HAPLN1: variants seen among roughly 807,000 people sequenced by gnomAD.
HAPLN1 encodes the protein Cartilage link protein.
In HAPLN1, 13 loss-of-function variants were observed where a neutral mutation model predicts 36.5. That is an observed-to-expected ratio of 0.36 (90% CI 0.23 to 0.57). HAPLN1 has a LOEUF of 0.57. Ranked by LOEUF, HAPLN1 falls within the 20% of genes least tolerant of loss-of-function variation. HAPLN1 has a pLI of 0.83. For missense variants in HAPLN1, 407 were observed against 439.7 expected (o/e 0.93, Z 0.66); for synonymous variants, 202 against 169.8 (o/e 1.19, Z -1.48).
At chr5:83,659,358 A>T (rs1750316647) in intron 2 of HAPLN1, among the ~76,000 whole-genome samples, 1 of 152,120 alleles carries the variant, frequency 6.6e-6, no homozygotes, top group East Asian at 1.9e-4. Context: ...GATACAAAGG[A>T]GTATGTGTGC....
intron 1 of HAPLN1, among the ~76,000 whole-genome samples, chr5:83,701,358 A>G (rs982225055): frequency 6.6e-6 from 1 of 152,260 alleles, no homozygotes; most frequent in African/African-American, 2.4e-5. Flanking sequence ...AGAATTTCCT[A>G]ATAAGTCATC....
intron 4 of HAPLN1, among the ~76,000 whole-genome samples, chr5:83,642,607 T>A (rs1749733540): frequency 6.6e-6 from 1 of 152,170 alleles, no homozygotes; most frequent in Non-Finnish European, 1.5e-5. Flanking sequence ...GGACTGAAGA[T>A]TTTCTTATAC....
chr5:83,715,084 G>A (rs1429874580), intron 1 of HAPLN1, among the ~76,000 whole-genome samples: 1 of 152,170 alleles, frequency 6.6e-6, no homozygotes, highest in Non-Finnish European at 1.5e-5. Context: ...CACAGGGAGT[G>A]GAGATAACTG....
At chr5:83,666,428 T>G (rs141633981) in intron 2 of HAPLN1, among the ~76,000 whole-genome samples, 34 of 152,282 alleles carry the variant, frequency 2.2e-4, no homozygotes, top group East Asian at 1.9e-3. Flanking sequence ...ACACATACTA[T>G]GCTGATTTCA....
chr5:83,704,194 G>A (rs1367267693), intron 1 of HAPLN1, among the ~76,000 whole-genome samples: 1 of 151,872 alleles, frequency 6.6e-6, no homozygotes, highest in Non-Finnish European at 1.5e-5. Context: ...ATCTTTTTCA[G>A]ATATGCAAAT....
intron 1 of HAPLN1, chr5:83,703,350 A>G (rs906008309): frequency 6.6e-6 from 1 of 152,030 alleles, no homozygotes; most frequent in South Asian, 2.1e-4. Context: ...TTTTAATTTT[A>G]GTCATTACAT....
chr5:83,701,920 C>T (rs1013045785), intron 1 of HAPLN1, among the ~76,000 whole-genome samples: 2 of 123,084 alleles, frequency 1.6e-5, no homozygotes, highest in Non-Finnish European at 1.8e-5. Context: ...AGCGAGACTT[C>T]GACAAAAACA....
chr5:83,693,995 C>T (rs1272543409), intron 1 of HAPLN1, among the ~76,000 whole-genome samples: 2 of 151,926 alleles, frequency 1.3e-5, no homozygotes, highest in African/African-American at 4.8e-5. Context: ...AGCAAGTACA[C>T]ATTCTTTTCA....
At position 83,641,333 on chromosome 5, in the gene HAPLN1, C is replaced by CA. The variant is rs1460765785; in HGVS notation, c.*162dup. On this transcript the variant is annotated 3_prime_UTR_variant, in exon 5 of 5. Transcript: ENST00000274341. The stretch of plus-strand genomic sequence containing the variant: ...TAATATATATTGAATGATAGCTTTA[C>CA]AAAAAACAAATCAATGAATTGATCT... The CA allele has an allele frequency of 2.0e-6, 1 of 506,796 alleles. No homozygotes were observed. Among genetic ancestry groups the CA allele is most frequent in the African/African-American group, 2.0e-5 (1 of 51,040 alleles). The allele number at this position is 506,796 out of a possible 1,614,324, so 31.4% of individuals were successfully genotyped here.
intron 1 of HAPLN1, among the ~76,000 whole-genome samples, chr5:83,702,535 T>C (rs1315094718): frequency 6.6e-6 from 1 of 152,102 alleles, no homozygotes; most frequent in African/African-American, 2.4e-5. Context: ...CCTCTAGGCT[T>C]GAAGGGTTTG....
chr5:83,712,609 A>G (rs1449219058), intron 1 of HAPLN1, among the ~76,000 whole-genome samples: 1 of 151,974 alleles, frequency 6.6e-6, no homozygotes, highest in African/African-American at 2.4e-5. Context: ...GACTTTTTTC[A>G]TTGGCCTGTA....
intron 1 of HAPLN1, among the ~76,000 whole-genome samples, chr5:83,679,045 G>C (rs760445097): frequency 2.6e-5 from 4 of 152,108 alleles, no homozygotes; most frequent in Non-Finnish European, 4.4e-5. Context: ...GTTTTTTATG[G>C]GAGCAATATA....
intron 1 of HAPLN1, among the ~76,000 whole-genome samples, chr5:83,700,421 A>G (rs1488036324): frequency 2.0e-5 from 3 of 152,132 alleles, no homozygotes; most frequent in African/African-American, 7.2e-5. Context: ...AATTTAGAAT[A>G]TTATTATGCA....
At chr5:83,708,881 C>CT (rs1295438662) in intron 1 of HAPLN1, among the ~76,000 whole-genome samples, 4 of 151,904 alleles carry the variant, frequency 2.6e-5, no homozygotes, top group African/African-American at 4.8e-5. Flanking sequence ...CTTTTCTTTT[C>CT]TTTTTTTCTG....
intron 2 of HAPLN1, 21 bp downstream of exon 2, chr5:83,673,403 A>C: frequency 3.4e-6 from 5 of 1,489,458 alleles, no homozygotes; most frequent in South Asian, 1.2e-5. Flanking sequence ...GGCTTTGATA[A>C]GAGAAGCTGT....
chr5:83,654,362 A>G (rs1027253444), intron 2 of HAPLN1, among the ~76,000 whole-genome samples: 1 of 152,220 alleles, frequency 6.6e-6, no homozygotes, highest in Non-Finnish European at 1.5e-5. Flanking sequence ...TTTCCTTTAT[A>G]TTCCATTCTT....
Position 83,639,351 on chromosome 5 carries a change from G to A in HAPLN1, c.*2145C>T, listed in dbSNP as rs1749614181. ...TTAATCAGCTAACAGTCACTCCAGA[G>A]ATTTTGATCAGCACCAATTCCTATA... On this transcript the variant is annotated 3_prime_UTR_variant, in exon 5 of 5. Transcript: ENST00000274341. The A allele has an allele frequency of 6.6e-6, 1 of 152,034 alleles. No homozygotes were observed. Among genetic ancestry groups the A allele is most frequent in the Non-Finnish European group, 1.5e-5 (1 of 67,904 alleles). 9.4% of individuals were successfully genotyped at this position (152,034 alleles called of 1,614,324 possible). A position where few individuals can be genotyped will look rare whatever the true frequency, so the allele number is the denominator to read the frequency against.
chr5:83,679,531 C>T (rs543090370), intron 1 of HAPLN1, among the ~76,000 whole-genome samples: 5 of 152,184 alleles, frequency 3.3e-5, no homozygotes, highest in South Asian at 4.2e-4. Context: ...CTTTCTGACC[C>T]GCTCTTACAT....
intron 1 of HAPLN1, among the ~76,000 whole-genome samples, chr5:83,686,782 A>G (rs1751137837): frequency 6.6e-6 from 1 of 152,168 alleles, no homozygotes; most frequent in Non-Finnish European, 1.5e-5. Context: ...GGGTGGGAGT[A>G]GACAGTACAG....
Sources: allele counts gnomAD v4.1 joint callset (sites outside exome capture counted in the v4.1 genomes callset), GRCh38; gene constraint gnomAD v4.1.1; transcripts MANE v1.5; gene names NCBI Gene and HGNC (gene_info 2026-07-23, HGNC 2026-07-21).